DTWD2: variants seen among roughly 807,000 people sequenced by gnomAD.
DTWD2 encodes DTW motif tRNA-uridine aminocarboxypropyltransferase 2.
A neutral mutation model predicts 31.8 loss-of-function variants in DTWD2; 39 were observed. The ratio of observed to expected loss-of-function variants is 1.22; its 90% CI spans 0.95 to 1.60. The LOEUF (loss-of-function observed/expected upper bound fraction) is 1.60, where lower values mean the gene tolerates loss of function less well. DTWD2 is among the 40% of genes most tolerant of loss of function. The pLI is 0.00. For synonymous variants in DTWD2, 180 were observed against 142.8 expected, an observed-to-expected ratio of 1.26 and a Z score of -1.86; for missense variants, 515 against 381.5, an observed-to-expected ratio of 1.35 and a Z score of -2.92.
chr5:118,925,716 G>T (rs1753794511), intron 4 of DTWD2, among the ~76,000 whole-genome samples: 1 of 151,798 alleles, frequency 6.6e-6, no homozygotes, highest in African/African-American at 2.4e-5. Context: ...GCAGTGGCGG[G>T]TACCTGTAGT....
At chr5:118,977,313 A>G (rs559567529) in intron 1 of DTWD2, among the ~76,000 whole-genome samples, 5 of 152,148 alleles carry the variant, frequency 3.3e-5, no homozygotes, top group Admixed American at 6.5e-5. Flanking sequence ...TGCTATTCAA[A>G]ATAGTATTGG....
intron 4 of DTWD2, among the ~76,000 whole-genome samples, chr5:118,907,394 T>C (rs909196709): frequency 7.9e-5 from 12 of 152,158 alleles, no homozygotes; most frequent in African/African-American, 2.9e-4. Context: ...CACATGATTA[T>C]GGAGGATGAC....
chr5:118,920,803 C>T (rs1753686272), intron 4 of DTWD2, among the ~76,000 whole-genome samples: 1 of 152,032 alleles, frequency 6.6e-6, no homozygotes, highest in Admixed American at 6.6e-5. Context: ...TGATATTATG[C>T]TACATTCATA....
chr5:118,974,267 G>T, intron 1 of DTWD2: 4 of 726,108 alleles, frequency 5.5e-6, no homozygotes, highest in Non-Finnish European at 7.1e-6. Flanking sequence ...ACCCGCAGAT[G>T]ACACGCGCTC....
chr5:118,883,090 T>C (rs1016428951), intron 4 of DTWD2, among the ~76,000 whole-genome samples: 1 of 152,234 alleles, frequency 6.6e-6, no homozygotes. Flanking sequence ...TCCTGAATGC[T>C]TTGCTGCTTA....
intron 5 of DTWD2, among the ~76,000 whole-genome samples, chr5:118,842,933 T>A (rs1421345312): frequency 6.8e-6 from 1 of 147,506 alleles, no homozygotes; most frequent in Admixed American, 6.8e-5. Flanking sequence ...GGTGACAGAA[T>A]GAGAAACTTT....
chr5:118,987,035 C>G (rs1178676711), intron 1 of DTWD2, among the ~76,000 whole-genome samples: 1 of 151,954 alleles, frequency 6.6e-6, no homozygotes, highest in Non-Finnish European at 1.5e-5. Context: ...AGATTTTTAC[C>G]TATATATTTA....
At chr5:118,849,848 G>T (rs1387718857) in intron 4 of DTWD2, among the ~76,000 whole-genome samples, 2 of 152,032 alleles carry the variant, frequency 1.3e-5, no homozygotes, top group Non-Finnish European at 2.9e-5. Flanking sequence ...GACATCAGGA[G>T]GGGAACATCA....
chr5:118,952,499 G>T (rs1043552833), intron 1 of DTWD2, among the ~76,000 whole-genome samples: 1 of 152,074 alleles, frequency 6.6e-6, no homozygotes, highest in African/African-American at 2.4e-5. Flanking sequence ...GTGCTCAGTG[G>T]GGGAGCGTCT....
chr5:118,974,119 T>G, intron 1 of DTWD2: 2 of 1,583,562 alleles, frequency 1.3e-6, no homozygotes, highest in South Asian at 1.1e-5. Context: ...CCGACGAGGA[T>G]GACTAGACAG....
At chr5:118,968,441 C>T (rs1055008982) in intron 1 of DTWD2, among the ~76,000 whole-genome samples, 1 of 152,174 alleles carries the variant, frequency 6.6e-6, no homozygotes, top group African/African-American at 2.4e-5. Flanking sequence ...ACTGAGGTAT[C>T]CAGGTTCTCA....
In DTWD2 at chr5:118,944,579, T is replaced by C; in HGVS notation, c.289A>G (p.Ile97Val). 2 of 1,613,550 alleles carry C rather than the reference T, an allele frequency of 1.2e-6. No individual in the cohort carries two copies. The highest frequency in any genetic ancestry group is 1.1e-5 in the South Asian group (1 of 91,036). The change falls in exon 2 of 6, where the codon ATA becomes GTA. Residue 97 changes from isoleucine (I) to valine (V), a missense_variant. Ile to Val is a conservative substitution (Grantham distance 29). Transcript: ENST00000510708. ...CTTACCTCTGCTGGATGCTGAATTA[T>C]GTACAAGTGGGTAGAGATATGCAGA... The part of the protein sequence containing the change: ...HPLHISTHLY[I>V]IQHPAEENKV...
intron 1 of DTWD2, among the ~76,000 whole-genome samples, chr5:118,981,305 G>A (rs936024428): frequency 6.6e-6 from 1 of 152,086 alleles, no homozygotes; most frequent in Non-Finnish European, 1.5e-5. Flanking sequence ...TATATTTAAT[G>A]TCACTAAACT....
intron 2 of DTWD2, among the ~76,000 whole-genome samples, chr5:118,940,268 G>A (rs188019776): frequency 1.4e-4 from 22 of 152,258 alleles, no homozygotes; most frequent in Admixed American, 3.3e-4. Context: ...TAGTTACTCC[G>A]CCTTAGGTGG....
Position 118,928,498 on chromosome 5 carries a change from T to C in DTWD2, c.597+39A>G, listed in dbSNP as rs200910545. 336 of 1,325,286 alleles carry C rather than the reference T, an allele frequency of 2.5e-4. No homozygotes were observed. In the African/African-American group the frequency reaches 4.7e-3, roughly 19 times the overall value. 82.1% of individuals were successfully genotyped at this position (1,325,286 alleles called of 1,614,324 possible). On this transcript the variant is annotated intron_variant, in intron 4 of 5. Transcript: ENST00000510708. The stretch of plus-strand genomic sequence containing the variant: ...AAAACATACACAATATACCTAATTA[T>C]ATATTTATATTTATTCTCTGTTAAA...
intron 4 of DTWD2, among the ~76,000 whole-genome samples, chr5:118,901,283 C>A (rs767140491): frequency 2.0e-5 from 3 of 152,092 alleles, no homozygotes; most frequent in South Asian, 2.1e-4. Flanking sequence ...TCCAAACACA[C>A]ATAAGTGTTT....
At chr5:118,967,948 T>C (rs556365965) in intron 1 of DTWD2, among the ~76,000 whole-genome samples, 1 of 152,244 alleles carries the variant, frequency 6.6e-6, no homozygotes, top group African/African-American at 2.4e-5. Context: ...AACTGCATAG[T>C]AGAAAAACAC....
At chr5:118,869,083 T>A (rs544203695) in intron 4 of DTWD2, among the ~76,000 whole-genome samples, 41 of 152,228 alleles carry the variant, frequency 2.7e-4, no homozygotes, top group African/African-American at 8.4e-4. Flanking sequence ...ATGCATACAG[T>A]TAGTTTTGCA....
intron 4 of DTWD2, among the ~76,000 whole-genome samples, chr5:118,887,126 T>G (rs979220056): frequency 2.0e-4 from 31 of 152,310 alleles, no homozygotes; most frequent in African/African-American, 7.0e-4. Context: ...TATGGTATAG[T>G]GGATATAATG....
Sources: allele counts gnomAD v4.1 joint callset (sites outside exome capture counted in the v4.1 genomes callset), GRCh38; gene constraint gnomAD v4.1.1; transcripts MANE v1.5; gene names NCBI Gene and HGNC (gene_info 2026-07-23, HGNC 2026-07-21).